HKDC1: variants seen among roughly 807,000 people sequenced by gnomAD.
HKDC1 encodes the protein hexokinase domain containing 1.
HKDC1 carries 66 observed loss-of-function variants against 96.6 expected under a neutral mutation model. That is an observed-to-expected ratio of 0.68 (90% CI 0.56 to 0.84). The LOEUF (loss-of-function observed/expected upper bound fraction) is 0.84. Ranked by LOEUF, HKDC1 falls within the 40% of genes least tolerant of loss-of-function variation. The probability of loss-of-function intolerance (pLI) is 0.00; values close to 1 mark genes in which losing one functional copy is unlikely to be tolerated. For missense variants in HKDC1, 1,211 were observed against 1,208.1 expected (o/e 1.00, Z -0.04); for synonymous variants, 466 against 473.1 (o/e 0.98, Z 0.20).
At chr10:69,234,691 C>T (rs1380919638) in intron 4 of HKDC1, among the ~76,000 whole-genome samples, 1 of 152,236 alleles carries the variant, frequency 6.6e-6, no homozygotes, top group Non-Finnish European at 1.5e-5. Context: ...GTGACTGTCC[C>T]TGGATTACTT....
rs1273362814 is a variant in HKDC1, at chr10:69,260,317, C to T, written c.2217-822C>T. ...GAAGGCAGGTGAGTTGTGGTAAGCC[C>T]AGCTGAAGCAAGGATTGCTCCAAAA... is the stretch of plus-strand genomic sequence containing the variant. On this transcript the variant is annotated intron_variant, in intron 15 of 17. Coordinates refer to ENST00000354624, the MANE Select transcript of HKDC1 (RefSeq NM_025130.4). 3.9e-5 allele frequency among the ~76,000 whole-genome samples: 6 copies of T among 152,246 alleles called. No homozygotes were observed. The East Asian group carries it at 1.2e-3, about 29-fold the overall frequency.
chr10:69,243,421 C>T, intron 7 of HKDC1, 56 bp downstream of exon 7: 2 of 1,435,686 alleles, frequency 1.4e-6, no homozygotes, highest in Admixed American at 2.4e-5. Flanking sequence ...CCTAATCACT[C>T]AGGTCCCCTG....
At chr10:69,252,478 T>C (rs2132366361) in intron 12 of HKDC1, among the ~76,000 whole-genome samples, 1 of 152,100 alleles carries the variant, frequency 6.6e-6, no homozygotes, top group South Asian at 2.1e-4. Context: ...ACCCCGTCTC[T>C]ACTAAAAATA....
Position 69,265,950 on chromosome 10 carries a change from T to C in HKDC1, c.2606+132T>C, listed in dbSNP as rs1843892080. 7 of 687,366 alleles carry C rather than the reference T, an allele frequency of 1.0e-5. No homozygotes were observed. In the South Asian group the frequency reaches 1.3e-4, roughly 12 times the overall value. The allele number at this position is 687,366 out of a possible 1,614,324, so 42.6% of individuals were successfully genotyped here. On this transcript the variant is annotated intron_variant, in intron 17 of 17. Transcript: ENST00000354624. ...CCTTTTATGGGAAAGGAGTGCTGTG[T>C]GGTCAAGTCACCTATTCAATCTGAC...
At chr10:69,251,916 C>A (rs1740370163) in intron 12 of HKDC1, among the ~76,000 whole-genome samples, 1 of 151,992 alleles carries the variant, frequency 6.6e-6, no homozygotes, top group Admixed American at 6.6e-5. Flanking sequence ...TGTGCCACCA[C>A]AACTGGCTAA....
intron 2 of HKDC1, chr10:69,232,400 A>C: frequency 4.5e-6 from 1 of 221,004 alleles, no homozygotes; most frequent in Non-Finnish European, 9.0e-6. Context: ...GGCTGGGAGC[A>C]CCAGCTCTCT....
rs34529083 is a variant in HKDC1, at chr10:69,243,577, A to G, written c.875+212A>G. Reference sequence around the variant, plus strand: ...GGTGGCACGATCTTGGCTCGCTGCAACCTCCACCTTCCAGGCTCAAGCAAT... The same window carrying G: ...GGTGGCACGATCTTGGCTCGCTGCAGCCTCCACCTTCCAGGCTCAAGCAAT... On this transcript the variant is annotated intron_variant, in intron 7 of 17. Coordinates refer to ENST00000354624, the MANE Select transcript of HKDC1 (RefSeq NM_025130.4). Among the ~76,000 whole-genome samples, 381 of 149,936 alleles carry G rather than the reference A, an allele frequency of 2.5e-3. 2 individuals carry two copies. The Middle Eastern group carries it at 0.027, about 11-fold the overall frequency.
At chr10:69,253,208 C>T (rs1843671545) in intron 12 of HKDC1, among the ~76,000 whole-genome samples, 1 of 152,096 alleles carries the variant, frequency 6.6e-6, no homozygotes, top group Admixed American at 6.5e-5. Context: ...CTTAGACTCC[C>T]CAGAGCTCCA....
At chr10:69,234,970 A>G (rs1843337609) in intron 4 of HKDC1, among the ~76,000 whole-genome samples, 2 of 152,210 alleles carry the variant, frequency 1.3e-5, no homozygotes, top group Admixed American at 1.3e-4. Context: ...TAATATAAAG[A>G]AGGTTCCAGG....
At chr10:69,257,205 C>A (rs965302000) in intron 13 of HKDC1, 74 bp downstream of exon 13, 7 of 1,472,676 alleles carry the variant, frequency 4.8e-6, no homozygotes, top group Non-Finnish European at 6.6e-6. Flanking sequence ...CATCCTCTGC[C>A]CAGTTCCTAT....
In HKDC1 at chr10:69,267,384, G is replaced by A. The variant is rs564186864; in HGVS notation, c.*627G>A. On this transcript the variant is annotated 3_prime_UTR_variant, in exon 18 of 18. Transcript: ENST00000354624. ...TTAAAGCGAGTTATGTCAGCACCCT[G>A]TAGGATTTTGTTCCTTATTAAGTGT... 244 of 426,744 alleles carry A rather than the reference G, an allele frequency of 5.7e-4. No individual in the cohort carries two copies. The highest frequency in any genetic ancestry group is 9.7e-4 in the Non-Finnish European group (211 of 218,296). The allele number at this position is 426,744 out of a possible 1,614,324, so 26.4% of individuals were successfully genotyped here.
intron 4 of HKDC1, among the ~76,000 whole-genome samples, chr10:69,237,934 A>G (rs1447698906): frequency 6.6e-6 from 1 of 152,174 alleles, no homozygotes; most frequent in Non-Finnish European, 1.5e-5. Context: ...GCGGTCAGGA[A>G]GTTTGTGAGC....
At chr10:69,258,342 G>C (rs1165416844) in intron 14 of HKDC1, among the ~76,000 whole-genome samples, 1 of 152,142 alleles carries the variant, frequency 6.6e-6, no homozygotes, top group Non-Finnish European at 1.5e-5. Flanking sequence ...AGGAAGAAGA[G>C]GGTGGCTCAC....
rs753298499 is a variant in HKDC1, at chr10:69,250,277, T to C, written c.1571-13T>C. 3 of 1,609,536 alleles carry C rather than the reference T, an allele frequency of 1.9e-6. No homozygotes were observed. The highest frequency in any genetic ancestry group is 2.5e-6 in the Non-Finnish European group (3 of 1,177,660). On this transcript the variant is annotated splice_polypyrimidine_tract_variant and intron_variant, in intron 10 of 17. Transcript: ENST00000354624. ...CCTGTCATGGAATGCAGCTGCTGCT[T>C]TCTCCATCACAGAGAAAGGAAAGTT...
intron 2 of HKDC1, among the ~76,000 whole-genome samples, chr10:69,230,148 G>A (rs1367566063): frequency 2.6e-5 from 4 of 152,206 alleles, no homozygotes; most frequent in Non-Finnish European, 5.9e-5. Flanking sequence ...GGGGGCTGCA[G>A]TGGTCTGTTC....
At chr10:69,242,214 C>G (rs1368549783) in intron 6 of HKDC1, among the ~76,000 whole-genome samples, 1 of 152,180 alleles carries the variant, frequency 6.6e-6, no homozygotes, top group Non-Finnish European at 1.5e-5. Context: ...CCAGGAGCCT[C>G]AGAATGGTTC....
At position 69,253,549 on chromosome 10, in the gene HKDC1, C is replaced by CTT. The variant is rs1843676387; in HGVS notation, c.1836+2898_1836+2899dup. ...GAATAACCTTGAGCAGATTATTTAA[C>CTT]TTCTCTGAGGCATGGTTTCCCCATT... On this transcript the variant is annotated intron_variant, in intron 12 of 17. Coordinates refer to ENST00000354624, the MANE Select transcript of HKDC1 (RefSeq NM_025130.4). 5.9e-5 allele frequency among the ~76,000 whole-genome samples: 9 copies of CTT among 152,222 alleles called. No individual in the cohort carries two copies. The South Asian group carries it at 1.9e-3, about 32-fold the overall frequency.
At chr10:69,261,426 T>G in intron 16 of HKDC1, 132 bp downstream of exon 16, 1 of 755,590 alleles carries the variant, frequency 1.3e-6, no homozygotes, top group South Asian at 1.9e-5. Flanking sequence ...CTCCTGGGGC[T>G]GCTCTTCTCT....
rs10823325 is a variant in HKDC1 at position 69,257,688 on chromosome 10, G to C, written c.2032+262G>C. ...AGGACCTTGGGGCCAATTGTCATGGGGGGGGGAAGGAGACTACAGTTGGAT... is the reference window on the plus strand; with the variant it reads ...AGGACCTTGGGGCCAATTGTCATGGCGGGGGGAAGGAGACTACAGTTGGAT... On this transcript the variant is annotated intron_variant, in intron 14 of 17. Transcript: ENST00000354624. 2.5e-4 allele frequency among the ~76,000 whole-genome samples: 37 copies of C among 149,640 alleles called. 1 individual carries two copies. In the East Asian group the frequency reaches 3.3e-3, roughly 13 times the overall value.
Sources: gnomAD v4.1 joint callset for allele counts (sites outside exome capture counted in the v4.1 genomes callset) on GRCh38, gnomAD v4.1.1 for gene constraint, MANE v1.5 for transcripts, NCBI Gene and HGNC (gene_info 2026-07-23, HGNC 2026-07-21) for gene names.